Variants in ASB17 observed in about 807,000 individuals in gnomAD.
ASB17 encodes ankyrin repeat and SOCS box protein 17.
A neutral mutation model predicts 25.7 loss-of-function variants in ASB17; 26 were observed. The ratio of observed to expected loss-of-function variants is 1.01; its 90% CI spans 0.74 to 1.40. The LOEUF is 1.40. Ranked by LOEUF, ASB17 falls within the 40% of genes most tolerant of loss-of-function variation. ASB17 has a pLI of 0.00. For synonymous variants in ASB17, 128 were observed against 121.4 expected (o/e 1.05, Z -0.36); for missense variants, 326 against 338.5 (o/e 0.96, Z 0.29).
chr1:75,928,295 G>C (rs1248682560), intron 1 of ASB17, among the ~76,000 whole-genome samples: 9 of 152,048 alleles, frequency 5.9e-5, no homozygotes, highest in Admixed American at 5.9e-4. Flanking sequence ...CTTTGTTTTT[G>C]TATCCCCAAT....
rs1399600767 is a variant in ASB17 at position 75,922,192 on chromosome 1, G to A, written c.569C>T (p.Ser190Leu). ...NIVLTIVLYP[S>L]RVRVMVDREL... Reference sequence around the variant, plus strand: ...ACGATCAACCATTACTCTTACTCTCGAAGGGTAGAGTACTATTGTTAAGAC... The same window carrying A: ...ACGATCAACCATTACTCTTACTCTCAAAGGGTAGAGTACTATTGTTAAGAC... Residue 190 changes from serine (S) to leucine (L), a missense_variant, in exon 2 of 3, where the codon TCG becomes TTG. Coordinates refer to ENST00000284142, the MANE Select transcript of ASB17 (RefSeq NM_080868.3). 1.9e-6 allele frequency: 3 copies of A among 1,613,530 alleles called. No individual in the cohort carries two copies. Among genetic ancestry groups the A allele is most frequent in the African/African-American group, 1.3e-5 (1 of 74,858 alleles).
Position 75,932,230 on chromosome 1 carries a change from T to C in ASB17, c.62A>G (p.Asn21Ser). 6.2e-7 allele frequency: 1 copy of C among 1,613,908 alleles called. No homozygotes were observed. The highest frequency in any genetic ancestry group is 8.5e-7 in the Non-Finnish European group (1 of 1,179,866). Residue 21 changes from asparagine (N) to serine (S), a missense_variant, in exon 1 of 3, where the codon AAT (asparagine) becomes AGT (serine). By Grantham distance (46) the Asn-to-Ser change is conservative (BLOSUM62 1). Coordinates refer to ENST00000284142, the MANE Select transcript of ASB17 (RefSeq NM_080868.3). ...TCTTTTAACAATTTTGTCAAGGAGA[T>C]TGCAGAATATATTGCTTCTTGGACA... ...TSCPRSNIFCNLLDKIVKRPS... is the reference protein window; with the variant it reads ...TSCPRSNIFCSLLDKIVKRPS...
chr1:75,926,242 C>A (rs970165183), intron 1 of ASB17, among the ~76,000 whole-genome samples: 5 of 152,072 alleles, frequency 3.3e-5, no homozygotes, highest in African/African-American at 1.2e-4. Flanking sequence ...AGTAAACAAG[C>A]AAATTTTATG....
chr1:75,919,544 A>G (rs1652973591), intron 2 of ASB17, among the ~76,000 whole-genome samples: 1 of 151,636 alleles, frequency 6.6e-6, no homozygotes, highest in African/African-American at 2.4e-5. Flanking sequence ...CTCTCCCCCT[A>G]CCCCACAACA....
At chr1:75,927,990 G>A (rs1198610234) in intron 1 of ASB17, among the ~76,000 whole-genome samples, 1 of 152,076 alleles carries the variant, frequency 6.6e-6, no homozygotes, top group Non-Finnish European at 1.5e-5. Flanking sequence ...ATACAACAAT[G>A]TTGTTTGTAT....
rs147146587 is a variant in ASB17 at position 75,929,521 on chromosome 1, A to C, written c.401+2370T>G. On this transcript the variant is annotated intron_variant, in intron 1 of 2. Coordinates refer to ENST00000284142, the MANE Select transcript of ASB17 (RefSeq NM_080868.3). Reference sequence around the variant, plus strand: ...GGCGTGAGCCATCGTGCCCAGCTTCATGTAGGGTTTTTAAAAAAGGGGTAT... The same window carrying C: ...GGCGTGAGCCATCGTGCCCAGCTTCCTGTAGGGTTTTTAAAAAAGGGGTAT... Among the ~76,000 whole-genome samples, 492 of 152,180 alleles carry C rather than the reference A, an allele frequency of 3.2e-3. 8 individuals carry two copies. Among genetic ancestry groups the C allele is most frequent in the African/African-American group, 0.011 (477 of 41,512 alleles).
intron 2 of ASB17, among the ~76,000 whole-genome samples, chr1:75,921,573 A>C (rs17097695): frequency 0.074 from 11,237 of 152,280 alleles, 630 homozygotes; most frequent in East Asian, 0.25. Flanking sequence ...TTTGTAAAGA[A>C]GGTCTCCACA....
chr1:75,930,949 C>T (rs1055980731), intron 1 of ASB17, among the ~76,000 whole-genome samples: 1 of 152,068 alleles, frequency 6.6e-6, no homozygotes, highest in African/African-American at 2.4e-5. Flanking sequence ...TTGTTGTTTC[C>T]AAACTACAGC....
intron 2 of ASB17, among the ~76,000 whole-genome samples, chr1:75,920,301 C>T (rs1652993646): frequency 6.6e-6 from 1 of 152,190 alleles, no homozygotes; most frequent in East Asian, 1.9e-4. Flanking sequence ...GAGGAAAAAA[C>T]ATTGCTGTAT....
chr1:75,932,206 C>CT lies in ASB17; in HGVS notation c.85dup (p.Arg29LysfsTer36), dbSNP rs1232758711. ...CTGACCCAAAAACTGTAGGGAGGGT[C>CT]TTTTAACAATTTTGTCAAGGAGATT... On this transcript the variant is annotated frameshift_variant, in exon 1 of 3. Transcript: ENST00000284142. LOFTEE classifies it high-confidence loss of function. 1 of 1,614,040 alleles carries CT rather than the reference C, an allele frequency of 6.2e-7. No homozygotes were observed. Among genetic ancestry groups the CT allele is most frequent in the Non-Finnish European group, 8.5e-7 (1 of 1,179,964 alleles).
intron 1 of ASB17, among the ~76,000 whole-genome samples, chr1:75,927,852 G>C (rs1653212850): frequency 1.3e-5 from 2 of 152,114 alleles, no homozygotes; most frequent in South Asian, 2.1e-4. Context: ...ATTACCCATG[G>C]TGTAAATTTC....
rs145077665 is a variant in ASB17, at chr1:75,920,230, C to T, written c.682-1072G>A. 3.2e-3 allele frequency among the ~76,000 whole-genome samples: 494 copies of T among 152,240 alleles called. 9 individuals are homozygous for T. The highest frequency in any genetic ancestry group is 0.012 in the African/African-American group (480 of 41,538). On this transcript the variant is annotated intron_variant, in intron 2 of 2. Coordinates refer to ENST00000284142, the MANE Select transcript of ASB17 (RefSeq NM_080868.3). ...AAATGAAAAGATGTCTTTTAAAGGT[C>T]TAGAAAGGCATCTTTTAAAATATTT...
At chr1:75,922,610 C>T (rs1199635025) in intron 1 of ASB17, among the ~76,000 whole-genome samples, 1 of 147,568 alleles carries the variant, frequency 6.8e-6, no homozygotes, top group Non-Finnish European at 1.5e-5. Flanking sequence ...GATTCTCCTG[C>T]CTCAGCCTCC....
At chr1:75,919,332 T>C (rs535629151) in intron 2 of ASB17, among the ~76,000 whole-genome samples, 174 bp from the exon 3 acceptor site, 2 of 152,288 alleles carry the variant, frequency 1.3e-5, no homozygotes, top group South Asian at 2.1e-4. Context: ...CCCATTTTTT[T>C]CCACAGGGAT....
At chr1:75,924,814 T>C (rs990444509) in intron 1 of ASB17, among the ~76,000 whole-genome samples, 2 of 152,092 alleles carry the variant, frequency 1.3e-5, no homozygotes, top group Non-Finnish European at 2.9e-5. Context: ...CCTGCCTTTT[T>C]TTTTCAATTC....
In ASB17 at chr1:75,919,068, G is replaced by T. The variant is rs751185872; in HGVS notation, c.772C>A (p.His258Asn). 3 of 1,611,406 alleles carry T rather than the reference G, an allele frequency of 1.9e-6. No homozygotes were observed. The African/African-American group carries it at 4.0e-5, about 22-fold the overall frequency. The change falls in exon 3 of 3, where the codon CAT becomes AAT. Residue 258 changes from histidine to asparagine, a missense_variant. Coordinates refer to ENST00000284142, the MANE Select transcript of ASB17 (RefSeq NM_080868.3). ...TRYKDPCELL[H>N]LCRLTIRNQL... ...TTCCTGATGGTTAGTCTGCAAAGAT[G>T]TAATAGTTCACATGGATCTTTGTAT...
At chr1:75,928,073 G>A (rs1653221995) in intron 1 of ASB17, among the ~76,000 whole-genome samples, 1 of 152,110 alleles carries the variant, frequency 6.6e-6, no homozygotes, top group Non-Finnish European at 1.5e-5. Flanking sequence ...GAAACTCTTT[G>A]TTATCTTTTA....
chr1:75,931,808 T>C (rs1334661716), intron 1 of ASB17, 83 bp downstream of exon 1: 12 of 1,293,354 alleles, frequency 9.3e-6, no homozygotes, highest in African/African-American at 1.5e-5. Context: ...CCACTATACA[T>C]GTGAGTTTTA....
intron 2 of ASB17, among the ~76,000 whole-genome samples, chr1:75,920,560 G>A (rs1467810084): frequency 2.0e-5 from 3 of 152,270 alleles, no homozygotes; most frequent in Non-Finnish European, 4.4e-5. Context: ...TATGTGCTGC[G>A]ATAGGGAAAA....
Sources: allele counts gnomAD v4.1 joint callset (sites outside exome capture counted in the v4.1 genomes callset), GRCh38; gene constraint gnomAD v4.1.1; transcripts MANE v1.5; gene names NCBI Gene and HGNC (gene_info 2026-07-23, HGNC 2026-07-21).